Variants in CEP89 observed in about 807,000 individuals in gnomAD.
CEP89 encodes the protein centrosomal protein 89.
In CEP89, 95 loss-of-function variants were observed where a neutral mutation model predicts 97.6. The ratio of observed to expected loss-of-function variants is 0.97; its 90% CI spans 0.82 to 1.15. CEP89 has a LOEUF of 1.15. Among genes scored for constraint, CEP89 ranks in the 50% most tolerant of loss-of-function variants. The pLI, the probability that CEP89 is intolerant of heterozygous loss-of-function variation, is 0.00. For synonymous variants in CEP89, 354 were observed against 349.1 expected, an observed-to-expected ratio of 1.01 and a Z score of -0.16; for missense variants, 869 against 947.7, an observed-to-expected ratio of 0.92 and a Z score of 1.09.
chr19:32,898,392 G>A (rs1298005313), intron 16 of CEP89, among the ~76,000 whole-genome samples: 1 of 152,096 alleles, frequency 6.6e-6, no homozygotes, highest in Non-Finnish European at 1.5e-5. Flanking sequence ...TGTGGGTATG[G>A]GTGTGTTTGT....
At chr19:32,923,386 C>A in intron 12 of CEP89, 53 bp downstream of exon 12, 1 of 837,840 alleles carries the variant, frequency 1.2e-6, no homozygotes, top group Non-Finnish European at 2.0e-6. Flanking sequence ...ACATATTTTC[C>A]TGTTACCATT....
Position 32,893,776 on chromosome 19 carries a change from T to C in CEP89, c.1876-5935A>G, listed in dbSNP as rs149936086. Among the ~76,000 whole-genome samples the C allele has an allele frequency of 1.4e-3, 212 of 152,288 alleles. 1 individual carries two copies. Among genetic ancestry groups the C allele is most frequent in the African/African-American group, 3.9e-3 (162 of 41,554 alleles). On this transcript the variant is annotated intron_variant, in intron 16 of 18. Coordinates refer to ENST00000305768, the MANE Select transcript of CEP89 (RefSeq NM_032816.5). ...TAAACAACATGTTCCTTAACAATGA[T>C]TGGGTCAATGAAGAAATTAAGAAGG...
At chr19:32,933,705 T>C (rs777294072) in intron 7 of CEP89, 36 bp from the exon 8 acceptor site, 12 of 1,300,906 alleles carry the variant, frequency 9.2e-6, no homozygotes, top group Middle Eastern at 1.9e-4. Flanking sequence ...ACAATGTTAA[T>C]TGATGTTGAC....
In CEP89 at chr19:32,953,784, T is replaced by G. The variant is rs771534366; in HGVS notation, c.323A>C (p.Glu108Ala). Reference protein sequence around the residue: ...QLRPRPNWQSEMGRRSSLPSF... With the variant: ...QLRPRPNWQSAMGRRSSLPSF... ...TGGCAAAGAAGATCTTCTTCCCATC[T>G]CACTCTGCCAATTTGGCCTGTATTA... Residue 108 changes from glutamate to alanine, a missense_variant, in exon 4 of 19, where the codon GAG (glutamate) becomes GCG (alanine). Physicochemically the swap from Glu to Ala is moderately radical, Grantham distance 107. Transcript: ENST00000305768. 72 of 1,613,522 alleles carry G rather than the reference T, an allele frequency of 4.5e-5. No individual in the cohort carries two copies. In the East Asian group the frequency reaches 1.6e-3, roughly 35 times the overall value.
chr19:32,894,389 C>T (rs1184888327), intron 16 of CEP89, among the ~76,000 whole-genome samples: 1 of 152,160 alleles, frequency 6.6e-6, no homozygotes, highest in African/African-American at 2.4e-5. Context: ...CAGGTGGTTA[C>T]ACGTTCCTGA....
Position 32,878,284 on chromosome 19 carries a change from T to A in CEP89, c.*878A>T, listed in dbSNP as rs1969206121. On this transcript the variant is annotated 3_prime_UTR_variant, in exon 19 of 19. Coordinates refer to ENST00000305768, the MANE Select transcript of CEP89 (RefSeq NM_032816.5). Reference sequence around the variant, plus strand: ...AAAGTAACAACTAAACAAAAGAGAATAAAGTACTTGCTCAGGAGGATAGAG... The same window carrying A: ...AAAGTAACAACTAAACAAAAGAGAAAAAAGTACTTGCTCAGGAGGATAGAG... The A allele has an allele frequency of 6.6e-6, 1 of 152,232 alleles. No individual in the cohort carries two copies. Among genetic ancestry groups the A allele is most frequent in the Non-Finnish European group, 1.5e-5 (1 of 68,238 alleles). The allele number at this position is 152,232 out of a possible 1,614,324, so 9.4% of individuals were successfully genotyped here.
At chr19:32,906,118 GA>G (rs1969883125) in intron 14 of CEP89, among the ~76,000 whole-genome samples, 1 of 152,136 alleles carries the variant, frequency 6.6e-6, no homozygotes, top group African/African-American at 2.4e-5. Context: ...ATATCTTAAA[GA>G]CAACACAGAT....
chr19:32,945,532 A>C (rs952729924), intron 5 of CEP89, among the ~76,000 whole-genome samples: 1 of 152,186 alleles, frequency 6.6e-6, no homozygotes, highest in Non-Finnish European at 1.5e-5. Context: ...ATGTTACTGC[A>C]GCATTTCCAC....
chr19:32,950,369 A>T (rs1431795320), intron 4 of CEP89, among the ~76,000 whole-genome samples: 1 of 152,132 alleles, frequency 6.6e-6, no homozygotes, highest in East Asian at 1.9e-4. Context: ...GACCAGCCTG[A>T]TCAACATGGA....
At position 32,928,041 on chromosome 19, in the gene CEP89, G is replaced by A. The variant is rs180684442; in HGVS notation, c.1030-1057C>T. Among the ~76,000 whole-genome samples the A allele has an allele frequency of 4.7e-4, 70 of 148,154 alleles. 1 individual carries two copies. Among genetic ancestry groups the A allele is most frequent in the African/African-American group, 1.0e-3 (41 of 40,002 alleles). The stretch of plus-strand genomic sequence containing the variant: ...AGCAATTCTCATGCCTCAGCCTCCC[G>A]AGTAGCTGGGACTACAGGTGTGTGC... On this transcript the variant is annotated intron_variant, in intron 9 of 18. Coordinates refer to ENST00000305768, the MANE Select transcript of CEP89 (RefSeq NM_032816.5).
chr19:32,951,548 C>T (rs955700252), intron 4 of CEP89, among the ~76,000 whole-genome samples: 1 of 149,156 alleles, frequency 6.7e-6, no homozygotes, highest in African/African-American at 2.5e-5. Flanking sequence ...CACACACACA[C>T]ACACACACAC....
intron 3 of CEP89, among the ~76,000 whole-genome samples, chr19:32,958,024 C>G (rs1365594772): frequency 2.0e-5 from 3 of 150,412 alleles, no homozygotes; most frequent in Non-Finnish European, 2.9e-5. Flanking sequence ...CCCCCCCCCG[C>G]CAAAAAATAA....
In CEP89 at chr19:32,954,823, C is replaced by T. The variant is rs1210619251; in HGVS notation, c.306-1022G>A. Among the ~76,000 whole-genome samples, 3 of 150,816 alleles carry T rather than the reference C, an allele frequency of 2.0e-5. No homozygotes were observed. The South Asian group carries it at 6.4e-4, about 32-fold the overall frequency. ...GGGATTACAGGCACTCGCCACCACA[C>T]CTGGCTAATTTTTCTATTTTTAGTA... On this transcript the variant is annotated intron_variant, in intron 3 of 18. Coordinates refer to ENST00000305768, the MANE Select transcript of CEP89 (RefSeq NM_032816.5).
At chr19:32,905,237 A>G (rs574635620) in intron 14 of CEP89, among the ~76,000 whole-genome samples, 24 of 152,336 alleles carry the variant, frequency 1.6e-4, no homozygotes, top group Admixed American at 1.4e-3. Flanking sequence ...GTATTTTTTA[A>G]TAGAACTTTA....
chr19:32,961,346 G>A (rs1406640427), intron 2 of CEP89, among the ~76,000 whole-genome samples: 5 of 151,462 alleles, frequency 3.3e-5, no homozygotes, highest in Admixed American at 6.6e-5. Flanking sequence ...TGAGGAGGGC[G>A]GATCATGAGG....
At chr19:32,951,778 C>T (rs534308405) in intron 4 of CEP89, among the ~76,000 whole-genome samples, 101 of 152,034 alleles carry the variant, frequency 6.6e-4, no homozygotes, top group Non-Finnish European at 1.2e-3. Context: ...CTACACATGG[C>T]TCCTAAAGCC....
rs186287966 is a variant in CEP89, at chr19:32,929,324, G to A, written c.1029+2105C>T. Among the ~76,000 whole-genome samples, 161 of 152,236 alleles carry A rather than the reference G, an allele frequency of 1.1e-3. 1 individual carries two copies. The highest frequency in any genetic ancestry group is 6.5e-4 in the Non-Finnish European group (44 of 68,020). ...AATGGTTTAAAAGAGAGAGAGGGCCGGGCATGGTGGTTCATGCCTGTAATC... is the reference window on the plus strand; with the variant it reads ...AATGGTTTAAAAGAGAGAGAGGGCCAGGCATGGTGGTTCATGCCTGTAATC... On this transcript the variant is annotated intron_variant, in intron 9 of 18. Transcript: ENST00000305768.
rs541720471 is a variant in CEP89, at chr19:32,931,481, T to C, written c.977A>G (p.Asn326Ser). The C allele has an allele frequency of 1.1e-5, 18 of 1,596,150 alleles. No homozygotes were observed. In the East Asian group the frequency reaches 3.6e-4, roughly 32 times the overall value. Residue 326 changes from asparagine to serine, a missense_variant, in exon 9 of 19, where the codon AAT becomes AGT. Transcript: ENST00000305768. ...TGTCTGATATCGACTGAGTTCTACA[T>C]TCAAACGATGGACAGTCATTTTCAA... The part of the protein sequence containing the change: ...DGLKMTVHRL[N>S]VELSRYQTKF...
chr19:32,913,215 G>A (rs916480153), intron 14 of CEP89, among the ~76,000 whole-genome samples: 2 of 148,638 alleles, frequency 1.3e-5, no homozygotes, highest in African/African-American at 2.5e-5. Context: ...TATACCATAT[G>A]TATATATACC....
Sources: allele counts gnomAD v4.1 joint callset (sites outside exome capture counted in the v4.1 genomes callset), GRCh38; gene constraint gnomAD v4.1.1; transcripts MANE v1.5; gene names NCBI Gene and HGNC (gene_info 2026-07-23, HGNC 2026-07-21).